Variants in ULK4 observed in about 807,000 individuals in gnomAD.
ULK4 encodes the protein unc-51 like kinase 4, also known as inactive serine/threonine-protein kinase ULK4.
Under a neutral mutation model 160.6 loss-of-function variants are expected in ULK4, and 133 were observed. The observed-to-expected ratio is 0.83, with a 90% confidence interval of 0.72 to 0.96. The LOEUF (loss-of-function observed/expected upper bound fraction) is 0.96. ULK4 is among the 40% of genes least tolerant of loss of function. The probability of loss-of-function intolerance (pLI) is 0.00; values close to 1 mark genes in which losing one functional copy is unlikely to be tolerated. For synonymous variants in ULK4, 534 were observed against 539.8 expected, an observed-to-expected ratio of 0.99 and a Z score of 0.15; for missense variants, 1,580 against 1,499.5, an observed-to-expected ratio of 1.05 and a Z score of -0.89.
At chr3:41,789,609 G>A (rs2040090083) in intron 21 of ULK4, 52 bp downstream of exon 21, 1 of 1,459,148 alleles carries the variant, frequency 6.9e-7, no homozygotes, top group African/African-American at 1.4e-5. Flanking sequence ...CCACTAAAAT[G>A]CAGAAGAAAA....
At chr3:41,371,409 C>A (rs1248624454) in intron 35 of ULK4, among the ~76,000 whole-genome samples, 1 of 152,192 alleles carries the variant, frequency 6.6e-6, no homozygotes, top group Non-Finnish European at 1.5e-5. Flanking sequence ...CAGCTGACAT[C>A]TGGCAGCTGC....
intron 34 of ULK4, among the ~76,000 whole-genome samples, chr3:41,436,410 T>A (rs1274516787): frequency 6.6e-6 from 1 of 152,222 alleles, no homozygotes. Flanking sequence ...AGTACATAGT[T>A]TTATTTGAAA....
chr3:41,629,922 A>G (rs1004087270), intron 30 of ULK4, among the ~76,000 whole-genome samples: 2 of 152,156 alleles, frequency 1.3e-5, no homozygotes, highest in African/African-American at 4.8e-5. Flanking sequence ...ACCTGAGCCC[A>G]GGGAGGTCAA....
chr3:41,473,447 C>G (rs1292649822), intron 32 of ULK4, among the ~76,000 whole-genome samples: 1 of 151,736 alleles, frequency 6.6e-6, no homozygotes. Flanking sequence ...GGATCACTTG[C>G]AGTCAGGAGT....
At chr3:41,709,629 CCTG>C (rs745936056) in intron 25 of ULK4, among the ~76,000 whole-genome samples, 1 of 152,194 alleles carries the variant, frequency 6.6e-6, no homozygotes, top group Non-Finnish European at 1.5e-5. Flanking sequence ...TCATAATCTG[CCTG>C]CCTCGGACTC....
At chr3:41,386,627 T>G (rs966572473) in intron 35 of ULK4, among the ~76,000 whole-genome samples, 1 of 152,164 alleles carries the variant, frequency 6.6e-6, no homozygotes, top group African/African-American at 2.4e-5. Flanking sequence ...AGAGCCAAAC[T>G]TAGTTCACAT....
chr3:41,334,667 T>C (rs542547111), intron 35 of ULK4, among the ~76,000 whole-genome samples: 2 of 152,322 alleles, frequency 1.3e-5, no homozygotes, highest in South Asian at 4.1e-4. Context: ...GAAGTCTGCT[T>C]GTGAGGCTAC....
chr3:41,750,188 G>T (rs2038568700), intron 22 of ULK4, among the ~76,000 whole-genome samples: 1 of 152,140 alleles, frequency 6.6e-6, no homozygotes, highest in Non-Finnish European at 1.5e-5. Flanking sequence ...TTAATAAACG[G>T]GCACTGCCTT....
intron 32 of ULK4, among the ~76,000 whole-genome samples, chr3:41,544,660 A>G (rs1166919162): frequency 6.6e-6 from 1 of 152,184 alleles, no homozygotes; most frequent in Non-Finnish European, 1.5e-5. Flanking sequence ...AAAACTTGAC[A>G]ATGATTGTTT....
intron 22 of ULK4, among the ~76,000 whole-genome samples, chr3:41,750,076 G>A (rs1478766893): frequency 1.3e-5 from 2 of 152,162 alleles, no homozygotes. Context: ...CCTCAACTGA[G>A]AATCTCAGCA....
chr3:41,762,715 T>C (rs960042189), intron 21 of ULK4, among the ~76,000 whole-genome samples: 1 of 140,668 alleles, frequency 7.1e-6, no homozygotes, highest in Non-Finnish European at 1.5e-5. Context: ...CAGGCTGGAG[T>C]GCAGTGGCAT....
intron 30 of ULK4, among the ~76,000 whole-genome samples, chr3:41,623,532 G>C (rs1575494069): frequency 3.9e-5 from 6 of 152,210 alleles, no homozygotes; most frequent in Admixed American, 3.9e-4. Flanking sequence ...ATACTCATCA[G>C]CCTTAAAGAA....
chr3:41,270,640 T>A (rs2079124149), intron 35 of ULK4, among the ~76,000 whole-genome samples: 1 of 152,234 alleles, frequency 6.6e-6, no homozygotes, highest in South Asian at 2.1e-4. Context: ...GAGTGCTTAC[T>A]GTATGCCAGG....
chr3:41,335,891 C>T (rs1392992480), intron 35 of ULK4, among the ~76,000 whole-genome samples: 1 of 152,156 alleles, frequency 6.6e-6, no homozygotes, highest in East Asian at 1.9e-4. Context: ...AATAAAAATG[C>T]TCTACATTCT....
chr3:41,813,972 A>C (rs977276140), intron 19 of ULK4, among the ~76,000 whole-genome samples: 3 of 152,092 alleles, frequency 2.0e-5, no homozygotes, highest in African/African-American at 7.2e-5. Flanking sequence ...AACTATTGAG[A>C]GTGGTATGAG....
chr3:41,772,246 C>T (rs913211806), intron 21 of ULK4, among the ~76,000 whole-genome samples: 1 of 151,862 alleles, frequency 6.6e-6, no homozygotes, highest in Non-Finnish European at 1.5e-5. Context: ...GATAGAGACA[C>T]AAAAAACCCT....
intron 35 of ULK4, among the ~76,000 whole-genome samples, chr3:41,344,982 A>C (rs1236544356): frequency 6.6e-6 from 1 of 152,186 alleles, no homozygotes; most frequent in Non-Finnish European, 1.5e-5. Context: ...ATGAACAGAC[A>C]CTTTTCAAAA....
At chr3:41,642,116 C>G (rs929796982) in intron 30 of ULK4, among the ~76,000 whole-genome samples, 3 of 152,056 alleles carry the variant, frequency 2.0e-5, no homozygotes, top group Non-Finnish European at 4.4e-5. Flanking sequence ...TCAGGTGATC[C>G]GCCTGCCTAG....
At chr3:41,389,130 T>A (rs942144254) in intron 35 of ULK4, among the ~76,000 whole-genome samples, 33 of 152,244 alleles carry the variant, frequency 2.2e-4, no homozygotes, top group African/African-American at 7.7e-4. Context: ...TTATTCTCTT[T>A]GAAGCAATTG....
Sources: gnomAD v4.1 joint callset for allele counts (sites outside exome capture counted in the v4.1 genomes callset) on GRCh38, gnomAD v4.1.1 for gene constraint, MANE v1.5 for transcripts, NCBI Gene and HGNC (gene_info 2026-07-23, HGNC 2026-07-21) for gene names.